Variants in AGMO observed in about 807,000 individuals in gnomAD.
The protein encoded by AGMO is glyceryl-ether monooxygenase.
In AGMO, 75 loss-of-function variants were observed where a neutral mutation model predicts 60.2. The observed-to-expected ratio is 1.25, with a 90% CI of 1.03 to 1.51. The LOEUF is 1.51. Among genes scored for constraint, AGMO ranks in the 40% most tolerant of loss-of-function variants. The pLI is 0.00. For missense variants in AGMO, 763 were observed against 525.5 expected (o/e 1.45, Z -4.42); for synonymous variants, 261 against 177.1 (o/e 1.47, Z -3.76).
chr7:15,511,973 G>A (rs994065796), intron 3 of AGMO, among the ~76,000 whole-genome samples: 1 of 150,532 alleles, frequency 6.6e-6, no homozygotes, highest in South Asian at 2.1e-4. Context: ...CAGAATCATG[G>A]GGAAATACAT....
In AGMO at chr7:15,366,213, GC is replaced by G; in HGVS notation, c.1083del (p.Gln362LysfsTer6). 6.2e-7 allele frequency: 1 copy of G among 1,604,378 alleles called. No homozygotes were observed. Among genetic ancestry groups the G allele is most frequent in the Non-Finnish European group, 8.5e-7 (1 of 1,174,748 alleles). On this transcript the variant is annotated frameshift_variant, in exon 11 of 13. Transcript: ENST00000342526. LOFTEE classifies it high-confidence loss of function. The stretch of plus-strand genomic sequence containing the variant: ...CAAACCCTCAGAAGGAGAGTAACTT[GC>G]GACAGTGCCTGTCAAACAAACACGG... Reference protein sequence around the residue: ...EETFADTAALSQVTLLLRVCF... With the variant: ...EETFADTAALXQVTLLLRVCF...
the AGMO span, among the ~76,000 whole-genome samples, chr7:15,119,883 T>C: frequency 6.6e-6 from 1 of 151,932 alleles, no homozygotes; most frequent in East Asian, 1.9e-4. Context: ...GCATTAGTTT[T>C]CACACCCTCT....
chr7:15,507,436 G>A (rs1170997620), intron 3 of AGMO, among the ~76,000 whole-genome samples: 1 of 152,022 alleles, frequency 6.6e-6, no homozygotes, highest in East Asian at 1.9e-4. Context: ...GAATTCATAG[G>A]AATTACGTAG....
intron 10 of AGMO, among the ~76,000 whole-genome samples, chr7:15,380,198 A>G (rs1337917073): frequency 1.3e-5 from 2 of 152,072 alleles, no homozygotes; most frequent in African/African-American, 4.8e-5. Context: ...AAGGGCAACA[A>G]TAAGAAGAGA....
chr7:15,158,438 C>G, the AGMO span, among the ~76,000 whole-genome samples: 1 of 152,174 alleles, frequency 6.6e-6, no homozygotes, highest in African/African-American at 2.4e-5. Flanking sequence ...GGTGTAACAA[C>G]AACAACATAT....
chr7:15,487,594 T>C (rs934472002), intron 3 of AGMO, among the ~76,000 whole-genome samples: 1 of 152,120 alleles, frequency 6.6e-6, no homozygotes, highest in African/African-American at 2.4e-5. Context: ...TTTAAATGTT[T>C]CAAACTCCCT....
At chr7:15,215,263 G>A (rs1781703756) in intron 12 of AGMO, among the ~76,000 whole-genome samples, 1 of 152,068 alleles carries the variant, frequency 6.6e-6, no homozygotes, top group Non-Finnish European at 1.5e-5. Flanking sequence ...ATTTCACAAG[G>A]AGGAATATTA....
chr7:15,346,617 T>TA (rs11417689), intron 12 of AGMO, among the ~76,000 whole-genome samples: 62,970 of 145,646 alleles, frequency 0.43, 13,736 homozygotes, highest in African/African-American at 0.53. Flanking sequence ...TCTTAAAAAG[T>TA]AAAAAAAAAA....
At chr7:15,130,202 A>C in the AGMO span, among the ~76,000 whole-genome samples, 4 of 152,048 alleles carry the variant, frequency 2.6e-5, no homozygotes, top group Non-Finnish European at 5.9e-5. Context: ...AATGATTTTC[A>C]AATTATTATG....
chr7:15,409,735 T>G (rs1000977765), intron 5 of AGMO, among the ~76,000 whole-genome samples: 56 of 151,896 alleles, frequency 3.7e-4, no homozygotes, highest in Non-Finnish European at 2.1e-4. Context: ...TGGTGGCTAT[T>G]TATTACAACA....
chr7:15,220,825 A>C (rs1781896879), intron 12 of AGMO, among the ~76,000 whole-genome samples: 2 of 152,134 alleles, frequency 1.3e-5, no homozygotes, highest in African/African-American at 4.8e-5. Context: ...CAGATCTAAA[A>C]ATCTGTCCCC....
At position 15,245,278 on chromosome 7, in the gene AGMO, C is replaced by T. The variant is rs183772722; in HGVS notation, c.1264-43919G>A. Among the ~76,000 whole-genome samples the T allele has an allele frequency of 3.7e-3, 571 of 152,284 alleles. 8 individuals carry two copies. The highest frequency in any genetic ancestry group is 7.8e-4 in the Non-Finnish European group (53 of 68,018). ...AGATTCCCAATGTCGTCATCACTACCTATCCCTTTTCTTGTTGTTGTTTTC... is the reference window on the plus strand; with the variant it reads ...AGATTCCCAATGTCGTCATCACTACTTATCCCTTTTCTTGTTGTTGTTTTC... On this transcript the variant is annotated intron_variant, in intron 12 of 12. Coordinates refer to ENST00000342526, the MANE Select transcript of AGMO (RefSeq NM_001004320.2).
intron 12 of AGMO, among the ~76,000 whole-genome samples, chr7:15,268,231 A>C (rs756418145): frequency 2.6e-5 from 4 of 151,980 alleles, no homozygotes; most frequent in African/African-American, 4.8e-5. Flanking sequence ...TTTAATCAGG[A>C]TTTGGATCCA....
intron 3 of AGMO, among the ~76,000 whole-genome samples, chr7:15,529,541 A>ATG (rs1784221565): frequency 7.8e-6 from 1 of 128,738 alleles, no homozygotes; most frequent in African/African-American, 3.1e-5. Context: ...ATATATATAT[A>ATG]TTCTATATAT....
At chr7:15,416,022 T>TTTTTC (rs779526255) in intron 5 of AGMO, among the ~76,000 whole-genome samples, 11,576 of 148,520 alleles carry the variant, frequency 0.078, 609 homozygotes, top group South Asian at 0.14. Context: ...TTCTTTTCTT[T>TTTTTC]TTTTCTTTTT....
chr7:15,344,366 G>C (rs761817696), intron 12 of AGMO, among the ~76,000 whole-genome samples: 11 of 151,904 alleles, frequency 7.2e-5, no homozygotes, highest in Non-Finnish European at 1.5e-4. Context: ...ATGTAGATCT[G>C]ATCTTCATAG....
At chr7:15,135,979 C>CTTTTTTTTTTTTTTTTTTTTTT in the AGMO span, among the ~76,000 whole-genome samples, 108 of 106,840 alleles carry the variant, frequency 1.0e-3, no homozygotes, top group Middle Eastern at 8.9e-3. Context: ...TTTTTCTTTT[C>CTTTTTTTTTTTTTTTTTTTTTT]TTTTTTTTTT....
chr7:15,259,111 C>G (rs1783192790), intron 12 of AGMO, among the ~76,000 whole-genome samples: 1 of 151,696 alleles, frequency 6.6e-6, no homozygotes, highest in African/African-American at 2.4e-5. Flanking sequence ...CAAAGCTAAC[C>G]AAAGAGGAAC....
intron 12 of AGMO, among the ~76,000 whole-genome samples, chr7:15,218,293 G>C (rs1038811306): frequency 2.0e-5 from 3 of 151,216 alleles, no homozygotes; most frequent in African/African-American, 7.3e-5. Context: ...AGAGGAATGA[G>C]AGACATTAAT....
Sources: gnomAD v4.1 joint callset for allele counts (sites outside exome capture counted in the v4.1 genomes callset) on GRCh38, gnomAD v4.1.1 for gene constraint, MANE v1.5 for transcripts, NCBI Gene and HGNC (gene_info 2026-07-23, HGNC 2026-07-21) for gene names.